ZMYM4: variants seen among roughly 807,000 people sequenced by gnomAD.
ZMYM4 encodes the protein zinc finger MYM-type protein 4.
A neutral mutation model predicts 183.2 loss-of-function variants in ZMYM4; 31 were observed. That is an observed-to-expected ratio of 0.17 (90% CI 0.13 to 0.23). The LOEUF (loss-of-function observed/expected upper bound fraction) is 0.23. Among genes scored for constraint, ZMYM4 ranks in the 10% least tolerant of loss-of-function variants. The pLI is 1.00. For synonymous variants in ZMYM4, 592 were observed against 631.2 expected, an observed-to-expected ratio of 0.94 and a Z score of 0.93; for missense variants, 1,273 against 1,840.3, an observed-to-expected ratio of 0.69 and a Z score of 5.64.
chr1:35,375,018 T>C (rs938716240), intron 7 of ZMYM4, among the ~76,000 whole-genome samples: 1 of 152,192 alleles, frequency 6.6e-6, no homozygotes. Flanking sequence ...TAACCTGTTA[T>C]CCCTTGACTC....
chr1:35,325,542 A>C, intron 2 of ZMYM4, 137 bp downstream of exon 2: 27 of 647,654 alleles, frequency 4.2e-5, no homozygotes, highest in East Asian at 6.5e-5. Flanking sequence ...TCTAGATCTC[A>C]TCACGTACTG....
intron 13 of ZMYM4, among the ~76,000 whole-genome samples, chr1:35,387,883 G>A (rs1644614014): frequency 6.6e-6 from 1 of 152,066 alleles, no homozygotes; most frequent in Non-Finnish European, 1.5e-5. Flanking sequence ...TAGGTTGATC[G>A]GGACCTCAAA....
intron 23 of ZMYM4, among the ~76,000 whole-genome samples, chr1:35,403,738 ATTTC>A (rs1213207440): frequency 6.6e-6 from 1 of 152,136 alleles, no homozygotes; most frequent in East Asian, 1.9e-4. Flanking sequence ...AATTTGTATA[ATTTC>A]TTTAACTATG....
intron 1 of ZMYM4, among the ~76,000 whole-genome samples, chr1:35,301,527 C>CA (rs1270561424): frequency 1.4e-5 from 2 of 144,402 alleles, no homozygotes; most frequent in Non-Finnish European, 3.0e-5. Context: ...GCCTGGGTGA[C>CA]AGAGTGAGAG....
chr1:35,377,910 T>C (rs545969636), intron 7 of ZMYM4, among the ~76,000 whole-genome samples: 1 of 152,342 alleles, frequency 6.6e-6, no homozygotes, highest in South Asian at 2.1e-4. Context: ...TGATAGCATT[T>C]TACCCAGAGA....
At chr1:35,302,601 G>C (rs1009913860) in intron 1 of ZMYM4, among the ~76,000 whole-genome samples, 4 of 151,742 alleles carry the variant, frequency 2.6e-5, no homozygotes, top group Non-Finnish European at 5.9e-5. Context: ...TAGCCAGGAT[G>C]GTCTCGATCT....
At chr1:35,369,951 AAATGTCTTG>A (rs1644168024) in intron 5 of ZMYM4, 69 bp from the exon 6 acceptor site, 2 of 1,049,738 alleles carry the variant, frequency 1.9e-6, no homozygotes, top group East Asian at 2.7e-5. Context: ...AGTGGTAGTA[AAATGTCTTG>A]AATGTCTGGA....
In ZMYM4 at chr1:35,304,124, A is replaced by G. The variant is rs1481741881; in HGVS notation, c.40-21236A>G. 2.0e-5 allele frequency among the ~76,000 whole-genome samples: 3 copies of G among 151,838 alleles called. No individual in the cohort carries two copies. In the East Asian group the frequency reaches 5.8e-4, roughly 29 times the overall value. ...ACTGCAACCTCCGCCTCCCACATTC[A>G]TGCGATTCTCCTGCCTCAGCTTCCT... On this transcript the variant is annotated intron_variant, in intron 1 of 29. Transcript: ENST00000314607.
chr1:35,399,060 C>T lies in ZMYM4; in HGVS notation c.3433+17C>T, dbSNP rs1000820376. ...TTCCATCAGGTTTGTGTACAGTAAC[C>T]TGTCCACTGAAAGCTTTTTATTTTA... On this transcript the variant is annotated intron_variant, in intron 22 of 29. Transcript: ENST00000314607. The T allele has an allele frequency of 2.5e-6, 4 of 1,611,300 alleles. No homozygotes were observed. The highest frequency in any genetic ancestry group is 3.4e-6 in the Non-Finnish European group (4 of 1,178,114).
intron 2 of ZMYM4, among the ~76,000 whole-genome samples, chr1:35,348,219 A>T (rs899244074): frequency 6.6e-6 from 1 of 152,244 alleles, no homozygotes; most frequent in Non-Finnish European, 1.5e-5. Context: ...ACTCATTTCT[A>T]TCAGAAATGT....
chr1:35,335,989 AGTTCAGTAG>A (rs1312961593), intron 2 of ZMYM4, among the ~76,000 whole-genome samples: 2 of 152,220 alleles, frequency 1.3e-5, no homozygotes, highest in African/African-American at 2.4e-5. Context: ...TTAAGTGTGC[AGTTCAGTAG>A]TGTTAAGTAT....
chr1:35,329,528 T>C (rs1642644606), intron 2 of ZMYM4, among the ~76,000 whole-genome samples: 2 of 152,202 alleles, frequency 1.3e-5, no homozygotes, highest in Admixed American at 1.3e-4. Flanking sequence ...AATGGTTACT[T>C]TTCTTATTGA....
At position 35,370,458 on chromosome 1, in the gene ZMYM4, C is replaced by G; in HGVS notation, c.1012C>G (p.Arg338Gly). 6.3e-7 allele frequency: 1 copy of G among 1,595,782 alleles called. No homozygotes were observed. The highest frequency in any genetic ancestry group is 1.1e-5 in the South Asian group (1 of 90,646). ...MLPSVPATAVRVSCSGCKKIL... is the reference protein window; with the variant it reads ...MLPSVPATAVGVSCSGCKKIL... ...TCCTTCAGTTCCAGCCACAGCTGTT[C>G]GAGTTTCCTGTTCTGGTTGTAAAAA... The change falls in exon 7 of 30, where the codon CGA (arginine) becomes GGA (glycine). Residue 338 changes from arginine to glycine, a missense_variant. Arg to Gly is a moderately radical substitution (Grantham distance 125). Transcript: ENST00000314607.
At chr1:35,314,529 C>T (rs572707345) in intron 1 of ZMYM4, among the ~76,000 whole-genome samples, 3 of 151,722 alleles carry the variant, frequency 2.0e-5, no homozygotes, top group South Asian at 2.1e-4. Flanking sequence ...AAGTGATCCA[C>T]CTGCCTCAGC....
At chr1:35,385,337 T>C in intron 9 of ZMYM4, 105 bp from the exon 10 acceptor site, 1 of 1,224,460 alleles carries the variant, frequency 8.2e-7, no homozygotes, top group East Asian at 2.5e-5. Flanking sequence ...AGTTTGAAAA[T>C]CACTGATTTC....
intron 2 of ZMYM4, among the ~76,000 whole-genome samples, chr1:35,329,827 TACCAGCATGAGTC>T (rs1162761202): frequency 6.6e-6 from 1 of 152,294 alleles, no homozygotes; most frequent in African/African-American, 2.4e-5. Flanking sequence ...CTGCTAGGAT[TACCAGCATGAGTC>T]ACCACGCCCT....
At chr1:35,274,818 A>G (rs1317820050) in intron 1 of ZMYM4, among the ~76,000 whole-genome samples, 1 of 152,124 alleles carries the variant, frequency 6.6e-6, no homozygotes, top group Non-Finnish European at 1.5e-5. Context: ...TTATTGTCCC[A>G]TTTTATAAAT....
At chr1:35,303,299 A>G (rs1040719832) in intron 1 of ZMYM4, among the ~76,000 whole-genome samples, 1 of 66,234 alleles carries the variant, frequency 1.5e-5, no homozygotes, top group African/African-American at 3.0e-5. Context: ...AAAAAAAAAA[A>G]AAAAGAAAAG....
chr1:35,385,876 CTT>C (rs1467783407), intron 10 of ZMYM4, among the ~76,000 whole-genome samples, 196 bp from the exon 11 acceptor site: 1 of 152,066 alleles, frequency 6.6e-6, no homozygotes, highest in Non-Finnish European at 1.5e-5. Flanking sequence ...TCAGGGTAGA[CTT>C]TGACCAATTT....
Sources: gnomAD v4.1 joint callset for allele counts (sites outside exome capture counted in the v4.1 genomes callset) on GRCh38, gnomAD v4.1.1 for gene constraint, MANE v1.5 for transcripts, NCBI Gene and HGNC (gene_info 2026-07-23, HGNC 2026-07-21) for gene names.